The following NINJ2 variants were observed in gnomAD, a reference collection of about 807,000 sequenced individuals.
NINJ2 encodes ninjurin-2.
In NINJ2, 12 loss-of-function variants were observed where a neutral mutation model predicts 11.7. That is an observed-to-expected ratio of 1.02 (90% confidence interval 0.66 to 1.66). NINJ2 has a LOEUF of 1.66. Ranked by LOEUF, NINJ2 falls within the 40% of genes most tolerant of loss-of-function variation. The pLI is 0.00. For synonymous variants in NINJ2, 93 were observed against 76.8 expected (o/e 1.21, Z -1.10); for missense variants, 187 against 181.8 (o/e 1.03, Z -0.16).
At chr12:571,770 G>A (rs1383329430) in intron 1 of NINJ2, among the ~76,000 whole-genome samples, 2 of 152,154 alleles carry the variant, frequency 1.3e-5, no homozygotes, top group African/African-American at 2.4e-5. Context: ...ATTGTTTATC[G>A]ACTTTATGGT....
chr12:622,225 C>T (rs1162857770), intron 1 of NINJ2, among the ~76,000 whole-genome samples: 1 of 150,916 alleles, frequency 6.6e-6, no homozygotes, highest in Non-Finnish European at 1.5e-5. Flanking sequence ...ATCGAGACCA[C>T]GGTGAAACCC....
intron 1 of NINJ2, among the ~76,000 whole-genome samples, chr12:578,321 T>C (rs1054387024): frequency 1.3e-5 from 2 of 152,068 alleles, no homozygotes; most frequent in Non-Finnish European, 1.5e-5. Flanking sequence ...TTTAACTCGG[T>C]GCCTGAGGGG....
At chr12:589,620 A>G (rs538497389) in intron 1 of NINJ2, 2 of 152,356 alleles carry the variant, frequency 1.3e-5, no homozygotes, top group South Asian at 4.1e-4. Context: ...CTAAGACATC[A>G]TCCTGTTACA....
intron 1 of NINJ2, among the ~76,000 whole-genome samples, chr12:577,784 T>A (rs1192366977): frequency 6.6e-6 from 1 of 151,956 alleles, no homozygotes; most frequent in African/African-American, 2.4e-5. Flanking sequence ...CTCAAACTCC[T>A]GAGTTCAAGC....
intron 1 of NINJ2, among the ~76,000 whole-genome samples, chr12:611,949 C>T (rs146991784): frequency 6.6e-6 from 1 of 152,318 alleles, no homozygotes; most frequent in Non-Finnish European, 1.5e-5. Flanking sequence ...TTTCCCAATC[C>T]GTCTTGCAGC....
rs1003371414 is a variant in NINJ2 at position 614,569 on chromosome 12, C to A, written c.34-48391G>T. 6.6e-6 allele frequency among the ~76,000 whole-genome samples: 1 copy of A among 152,206 alleles called. No individual in the cohort carries two copies. Among genetic ancestry groups the A allele is most frequent in the Non-Finnish European group, 1.5e-5 (1 of 68,046 alleles). On this transcript the variant is annotated intron_variant, in intron 1 of 3. Coordinates refer to ENST00000305108, the MANE Select transcript of NINJ2 (RefSeq NM_016533.6). The surrounding 1 kb of genome is among the most constrained non-coding windows in gnomAD (Gnocchi z 5.1). ...CCCTCCCTCTGTCTTCTTCCCCTTG[C>A]ATTCCCTACTTGCCTCTCTACATGT... is the stretch of plus-strand genomic sequence containing the variant.
Position 654,089 on chromosome 12 carries a change from G to A in NINJ2, c.33+9239C>T, listed in dbSNP as rs1937834786. Reference sequence around the variant, plus strand: ...TTGTGCCTGTAGTCCTAGCTGCTTGGGAGGCTGAAGTGGGAGGATTGCTTG... The same window carrying A: ...TTGTGCCTGTAGTCCTAGCTGCTTGAGAGGCTGAAGTGGGAGGATTGCTTG... On this transcript the variant is annotated intron_variant, in intron 1 of 3. Coordinates refer to ENST00000305108, the MANE Select transcript of NINJ2 (RefSeq NM_016533.6). 3.3e-5 allele frequency among the ~76,000 whole-genome samples: 5 copies of A among 152,162 alleles called. No individual in the cohort carries two copies. The South Asian group carries it at 1.0e-3, about 31-fold the overall frequency.
chr12:578,062 A>G (rs531698067), intron 1 of NINJ2, among the ~76,000 whole-genome samples: 11 of 152,240 alleles, frequency 7.2e-5, no homozygotes, highest in African/African-American at 2.6e-4. Context: ...TCGACCCCTG[A>G]CGTAATCAGT....
chr12:638,934 A>G (rs1045703549), intron 1 of NINJ2, among the ~76,000 whole-genome samples: 2 of 152,230 alleles, frequency 1.3e-5, no homozygotes, highest in African/African-American at 4.8e-5. Flanking sequence ...AACCTAGTGT[A>G]TATCCATAGT....
At chr12:630,674 G>C (rs1371426705) in intron 1 of NINJ2, among the ~76,000 whole-genome samples, 3 of 152,184 alleles carry the variant, frequency 2.0e-5, no homozygotes, top group African/African-American at 7.2e-5. Context: ...ACCGCTCCCC[G>C]CCGCTGCTTC....
In NINJ2 at chr12:581,181, G is replaced by A. The variant is rs941411710; in HGVS notation, c.34-15003C>T. On this transcript the variant is annotated intron_variant, in intron 1 of 3. Transcript: ENST00000305108. The surrounding 1 kb of genome is among the most constrained non-coding windows in gnomAD (Gnocchi z 4.9). ...TCTCTGTGTGTGTGTGTGTGTCTGT[G>A]TGTGTGTCTGTCTCTGTGTGCGTGT... is the stretch of plus-strand genomic sequence containing the variant. 4.6e-5 allele frequency among the ~76,000 whole-genome samples: 7 copies of A among 151,994 alleles called. No individual in the cohort carries two copies. Among genetic ancestry groups the A allele is most frequent in the African/African-American group, 1.7e-4 (7 of 41,356 alleles).
chr12:636,691 C>T (rs1948356277), intron 1 of NINJ2, among the ~76,000 whole-genome samples: 1 of 151,934 alleles, frequency 6.6e-6, no homozygotes, highest in African/African-American at 2.4e-5. Context: ...CAACTTCTTA[C>T]CTGTTAGGAT....
At chr12:662,568 CTT>C (rs1286337510) in intron 1 of NINJ2, among the ~76,000 whole-genome samples, 1 of 152,212 alleles carries the variant, frequency 6.6e-6, no homozygotes, top group Non-Finnish European at 1.5e-5. Flanking sequence ...CTTTTCCACA[CTT>C]TGTTTGATTC....
intron 1 of NINJ2, among the ~76,000 whole-genome samples, chr12:647,955 C>A (rs1390252756): frequency 6.6e-6 from 1 of 152,206 alleles, no homozygotes. Flanking sequence ...CTGAGCTTCA[C>A]TTCTGCATCC....
rs1356006417 is a variant in NINJ2 at position 614,492 on chromosome 12, C to T, written c.34-48314G>A. 1.3e-5 allele frequency among the ~76,000 whole-genome samples: 2 copies of T among 152,014 alleles called. No individual in the cohort carries two copies. Among genetic ancestry groups the T allele is most frequent in the Non-Finnish European group, 2.9e-5 (2 of 67,984 alleles). ...GGGTGGCGGTGTGCCTGTGTGCCCA[C>T]GGGGGGCTCAGCAGATGGCACTCTT... is the stretch of plus-strand genomic sequence containing the variant. On this transcript the variant is annotated intron_variant, in intron 1 of 3. Coordinates refer to ENST00000305108, the MANE Select transcript of NINJ2 (RefSeq NM_016533.6). This position sits in a 1 kb window ranked among gnomAD's most constrained non-coding sequence, Gnocchi z 5.1.
chr12:662,045 T>G (rs1937964649), intron 1 of NINJ2, among the ~76,000 whole-genome samples: 1 of 152,112 alleles, frequency 6.6e-6, no homozygotes, highest in Non-Finnish European at 1.5e-5. Flanking sequence ...TGAAAGAAAT[T>G]AAACAAATGA....
rs573153070 is a variant in NINJ2 at position 581,394 on chromosome 12, G to A, written c.34-15216C>T. On this transcript the variant is annotated intron_variant, in intron 1 of 3. Coordinates refer to ENST00000305108, the MANE Select transcript of NINJ2 (RefSeq NM_016533.6). The surrounding 1 kb of genome is among the most constrained non-coding windows in gnomAD (Gnocchi z 4.9). Reference sequence around the variant, plus strand: ...GATCAAAGCCGCTCCTGATTGGTGGGCCAGCCTGAATCTGCTGCGCCTGCC... The same window carrying A: ...GATCAAAGCCGCTCCTGATTGGTGGACCAGCCTGAATCTGCTGCGCCTGCC... 5.3e-5 allele frequency among the ~76,000 whole-genome samples: 8 copies of A among 152,274 alleles called. No homozygotes were observed. Among genetic ancestry groups the A allele is most frequent in the African/African-American group, 1.9e-4 (8 of 41,556 alleles).
intron 1 of NINJ2, among the ~76,000 whole-genome samples, chr12:566,765 A>G (rs1002275465): frequency 6.6e-6 from 1 of 152,260 alleles, no homozygotes; most frequent in African/African-American, 2.4e-5. Context: ...ATACACATGC[A>G]TGCATGCATG....
intron 1 of NINJ2, among the ~76,000 whole-genome samples, chr12:635,287 G>C (rs753057757): frequency 1.3e-5 from 2 of 152,026 alleles, no homozygotes; most frequent in Non-Finnish European, 2.9e-5. Flanking sequence ...CTGACCTCAG[G>C]TGATCTGCCT....
Sources: gnomAD v4.1 joint callset for allele counts (sites outside exome capture counted in the v4.1 genomes callset) on GRCh38, gnomAD v4.1.1 for gene constraint, Gnocchi (gnomAD v3.1) non-coding constraint, MANE v1.5 for transcripts, NCBI Gene and HGNC (gene_info 2026-07-23, HGNC 2026-07-21) for gene names.